Variants in SHISAL1 observed in about 807,000 individuals in gnomAD.
The protein encoded by SHISAL1 is shisa like 1, also known as protein shisa-like-1.
Under a neutral mutation model 22.6 loss-of-function variants are expected in SHISAL1, and 9 were observed. That is an observed-to-expected ratio of 0.40 (90% CI 0.24 to 0.70). SHISAL1 has a LOEUF of 0.70. Among genes scored for constraint, SHISAL1 ranks in the 30% least tolerant of loss-of-function variants. The pLI is 0.39. For missense variants in SHISAL1, 246 were observed against 270.6 expected, an observed-to-expected ratio of 0.91 and a Z score of 0.64; for synonymous variants, 119 against 115.4, an observed-to-expected ratio of 1.03 and a Z score of -0.20.
At chr22:44,264,587 A>G (rs1310013764) in intron 4 of SHISAL1, among the ~76,000 whole-genome samples, 1 of 151,982 alleles carries the variant, frequency 6.6e-6, no homozygotes, top group Non-Finnish European at 1.5e-5. Context: ...ATGTCAGTCC[A>G]TGGGGCACCT....
At chr22:44,282,548 C>T (rs2055284000) in intron 4 of SHISAL1, among the ~76,000 whole-genome samples, 2 of 152,198 alleles carry the variant, frequency 1.3e-5, no homozygotes, top group African/African-American at 4.8e-5. Flanking sequence ...CTCCTGCTGC[C>T]CCTGCACAGG....
intron 3 of SHISAL1, among the ~76,000 whole-genome samples, chr22:44,294,421 T>G (rs555645396): frequency 1.3e-5 from 2 of 152,234 alleles, no homozygotes; most frequent in African/African-American, 4.8e-5. Flanking sequence ...GGCTCACACT[T>G]GCAACCCACC....
intron 4 of SHISAL1, among the ~76,000 whole-genome samples, chr22:44,282,947 T>A (rs574884519): frequency 3.4e-4 from 52 of 152,256 alleles, no homozygotes; most frequent in African/African-American, 1.3e-3. Flanking sequence ...CGGGTTACAG[T>A]CAGAGCTATA....
At chr22:44,276,583 G>A (rs1440642053) in intron 4 of SHISAL1, among the ~76,000 whole-genome samples, 1 of 152,044 alleles carries the variant, frequency 6.6e-6, no homozygotes, top group Non-Finnish European at 1.5e-5. Flanking sequence ...GTGGATTCTG[G>A]CTTCATTTTC....
At chr22:44,304,439 G>A (rs1042507072) in intron 1 of SHISAL1, among the ~76,000 whole-genome samples, 6 of 152,242 alleles carry the variant, frequency 3.9e-5, no homozygotes, top group African/African-American at 1.4e-4. Flanking sequence ...TGGTTTGCCA[G>A]AACAAGGGAA....
At chr22:44,317,277 G>A (rs2055563957), upstream of SHISAL1, among the ~76,000 whole-genome samples, 1 of 152,196 alleles carries the variant, frequency 6.6e-6, no homozygotes, top group Non-Finnish European at 1.5e-5. Flanking sequence ...ATCAGCTGCT[G>A]CACCGACGAG....
intron 3 of SHISAL1, among the ~76,000 whole-genome samples, chr22:44,290,529 C>CAAAAAAAAAAAAAAAAAAAAAAAA (rs546640216): frequency 4.7e-5 from 4 of 84,286 alleles, no homozygotes; most frequent in African/African-American, 1.9e-4. Context: ...AACTCAGTCT[C>CAAAAAAAAAAAAAAAAAAAAAAAA]AAAAAAAAAA....
At chr22:44,314,842 T>G (rs2055547548), upstream of SHISAL1, among the ~76,000 whole-genome samples, 1 of 152,150 alleles carries the variant, frequency 6.6e-6, no homozygotes, top group African/African-American at 2.4e-5. Context: ...GGAACACTCT[T>G]CAGCTACCCA....
the SHISAL1 span, among the ~76,000 whole-genome samples, chr22:44,325,483 G>T: frequency 9.8e-5 from 15 of 152,312 alleles, no homozygotes; most frequent in African/African-American, 3.6e-4. Flanking sequence ...TTCCCGTGGA[G>T]GGAGAAAGGG....
At chr22:44,253,343 G>A (rs2055061810) in intron 4 of SHISAL1, among the ~76,000 whole-genome samples, 2 of 151,602 alleles carry the variant, frequency 1.3e-5, no homozygotes, top group South Asian at 2.1e-4. Context: ...GAATGTTCAT[G>A]TACCAAATAG....
At chr22:44,315,517 C>T (rs1041183437), upstream of SHISAL1, among the ~76,000 whole-genome samples, 1 of 152,174 alleles carries the variant, frequency 6.6e-6, no homozygotes, top group Non-Finnish European at 1.5e-5. Flanking sequence ...CCACATACAC[C>T]TCGTCCCTTT....
chr22:44,291,211 G>A (rs146204389), intron 3 of SHISAL1, among the ~76,000 whole-genome samples: 20 of 152,296 alleles, frequency 1.3e-4, no homozygotes, highest in South Asian at 1.0e-3. Context: ...CTGCTTCTAC[G>A]GCCTTGTCAC....
chr22:44,263,033 T>TGTGGGGTG (rs2055135863), intron 4 of SHISAL1, among the ~76,000 whole-genome samples: 1 of 150,922 alleles, frequency 6.6e-6, no homozygotes, highest in Non-Finnish European at 1.5e-5. Context: ...ACGGTATGCA[T>TGTGGGGTG]GTGGGGTGTG....
upstream of SHISAL1, among the ~76,000 whole-genome samples, chr22:44,315,302 T>C (rs1018230533): frequency 6.6e-6 from 1 of 152,052 alleles, no homozygotes; most frequent in African/African-American, 2.4e-5. Flanking sequence ...CCCCCATCCA[T>C]TGCACACAGG....
chr22:44,280,964 C>T (rs2055272470), intron 4 of SHISAL1, among the ~76,000 whole-genome samples: 3 of 152,144 alleles, frequency 2.0e-5, no homozygotes, highest in Non-Finnish European at 4.4e-5. Flanking sequence ...AGGACCCAGG[C>T]CACAGCCTCA....
Position 44,245,902 on chromosome 22 carries a change from C to T in SHISAL1, c.*3783G>A, listed in dbSNP as rs2054996388. On this transcript the variant is annotated 3_prime_UTR_variant, in exon 5 of 5. Coordinates refer to ENST00000381176, the MANE Select transcript of SHISAL1 (RefSeq NM_001099294.2). ...GGAGATGCCACTCACCCTGGGAACA[C>T]TGTCAGCTGCCTACTTGCTGCTTTC... 6.6e-6 allele frequency: 1 copy of T among 152,266 alleles called. No homozygotes were observed. The highest frequency in any genetic ancestry group is 2.1e-4 in the South Asian group (1 of 4,836). The allele number at this position is 152,266 out of a possible 1,614,324, so 9.4% of individuals were successfully genotyped here.
chr22:44,255,157 A>G (rs2055075761), intron 4 of SHISAL1, among the ~76,000 whole-genome samples: 1 of 152,080 alleles, frequency 6.6e-6, no homozygotes, highest in Non-Finnish European at 1.5e-5. Context: ...CTCTCCTTCC[A>G]AGAATCTAAA....
chr22:44,324,346 C>T, the SHISAL1 span, among the ~76,000 whole-genome samples: 1 of 152,192 alleles, frequency 6.6e-6, no homozygotes, highest in East Asian at 1.9e-4. Flanking sequence ...AGAAACACCG[C>T]CACTGGTCTA....
chr22:44,256,297 C>A (rs1601775927), intron 4 of SHISAL1, among the ~76,000 whole-genome samples: 1 of 151,754 alleles, frequency 6.6e-6, no homozygotes, highest in East Asian at 1.9e-4. Flanking sequence ...ACCATTGGCT[C>A]TCCTGGGTCT....
Sources: allele counts gnomAD v4.1 joint callset (sites outside exome capture counted in the v4.1 genomes callset), GRCh38; gene constraint gnomAD v4.1.1; transcripts MANE v1.5; gene names NCBI Gene and HGNC (gene_info 2026-07-23, HGNC 2026-07-21).